The following SMARCA4 variants were observed in gnomAD, a reference collection of about 807,000 sequenced individuals.
SMARCA4 encodes the protein SWI/SNF-related matrix-associated actin-dependent regulator of chromatin subfamily A member 4.
A neutral mutation model predicts 193.9 loss-of-function variants in SMARCA4; 31 were observed. That is an observed-to-expected ratio of 0.16 (90% confidence interval 0.12 to 0.22). SMARCA4 has a LOEUF of 0.22. SMARCA4 is among the 10% of genes least tolerant of loss of function. The pLI is 1.00. For missense variants in SMARCA4, 1,148 were observed against 2,296.0 expected (o/e 0.50, Z 10.22); for synonymous variants, 942 against 933.1 (o/e 1.01, Z -0.17).
chr19:11,000,678 A>G (rs1396847712), intron 11 of SMARCA4, among the ~76,000 whole-genome samples: 2 of 152,054 alleles, frequency 1.3e-5, no homozygotes, highest in Non-Finnish European at 2.9e-5. Context: ...CAGGAGTTCG[A>G]GACCAGTCTG....
At chr19:10,983,024 T>G (rs1369507902) in intron 1 of SMARCA4, among the ~76,000 whole-genome samples, 1 of 152,158 alleles carries the variant, frequency 6.6e-6, no homozygotes, top group Admixed American at 6.6e-5. Flanking sequence ...TTTTAGAATT[T>G]GTGTTTTAAA....
chr19:11,059,209 A>G (rs983737589), intron 32 of SMARCA4: 3 of 347,536 alleles, frequency 8.6e-6, no homozygotes, highest in African/African-American at 6.3e-5. Context: ...TAGGCACAAC[A>G]GAAGAAATAG....
chr19:11,023,706 G>A, intron 20 of SMARCA4, 75 bp downstream of exon 20: 1 of 905,610 alleles, frequency 1.1e-6, no homozygotes, highest in Non-Finnish European at 1.8e-6. Flanking sequence ...GGCGTGCTCA[G>A]GGCCTCTCCC....
intron 1 of SMARCA4, among the ~76,000 whole-genome samples, chr19:10,980,506 C>T (rs902324455): frequency 5.3e-5 from 8 of 152,074 alleles, no homozygotes; most frequent in East Asian, 1.9e-4. Context: ...AGGTGGCATA[C>T]GCCTGTAGTC....
intron 11 of SMARCA4, among the ~76,000 whole-genome samples, chr19:10,997,500 A>G (rs866172884): frequency 3.3e-5 from 5 of 152,046 alleles, no homozygotes; most frequent in Admixed American, 1.3e-4. Flanking sequence ...CAGTTTTTGT[A>G]TTTTTAGTAG....
At chr19:10,980,745 C>T (rs2085495110) in intron 1 of SMARCA4, 1 of 152,122 alleles carries the variant, frequency 6.6e-6, no homozygotes, top group South Asian at 2.1e-4. Flanking sequence ...CCTCAATGAC[C>T]TGGATCTTTT....
intron 29 of SMARCA4, chr19:11,039,835 C>A (rs2016854999): frequency 8.9e-6 from 2 of 224,454 alleles, no homozygotes; most frequent in Admixed American, 5.8e-5. Flanking sequence ...GTAATCCCAG[C>A]ACTTTGAGAG....
rs77708451 is a variant in SMARCA4 at position 10,991,466 on chromosome 19, T to C, written c.1419+143T>C. 49,815 of 1,339,978 alleles carry C rather than the reference T, an allele frequency of 0.037. 1,180 individuals carry two copies. The highest frequency in any genetic ancestry group is 0.051 in the African/African-American group (3,522 of 69,032). 83.0% of individuals were successfully genotyped at this position (1,339,978 alleles called of 1,614,324 possible). A position where few individuals can be genotyped will look rare whatever the true frequency, so the allele number is the denominator to read the frequency against. ...TTGCTCATTGTAACAGTATTCTAGG[T>C]ACTGAGAGTGTATTGGTGTAAAAAC... is the stretch of plus-strand genomic sequence containing the variant. On this transcript the variant is annotated intron_variant, in intron 8 of 34. Transcript: ENST00000344626.
chr19:10,967,164 A>G (rs1040877753), intron 1 of SMARCA4, among the ~76,000 whole-genome samples: 64 of 151,722 alleles, frequency 4.2e-4, no homozygotes, highest in Admixed American at 1.7e-3. Context: ...TGTGGCCTCA[A>G]CTCTTCTTCA....
chr19:10,962,549 G>A (rs2083893095), intron 1 of SMARCA4, among the ~76,000 whole-genome samples: 1 of 152,110 alleles, frequency 6.6e-6, no homozygotes, highest in South Asian at 2.1e-4. Flanking sequence ...GTGTAGGATT[G>A]TATTTTGTTT....
rs757896781 is a variant in SMARCA4 at position 10,987,819 on chromosome 19, A to G, written c.1013A>G (p.Gln338Arg). The G allele has an allele frequency of 1.0e-5, 16 of 1,606,214 alleles. No homozygotes were observed. Among genetic ancestry groups the G allele is most frequent in the Non-Finnish European group, 5.1e-6 (6 of 1,177,212 alleles). The part of the protein sequence containing the change: ...PQTQSPGQPA[Q>R]PAPMVPLHQK... ...ACCCAGTCCCCCGGGCAGCCGGCCC[A>G]GCCCGCGCCCATGGTGCCACTGCAC... The change falls in exon 6 of 35, where the codon CAG becomes CGG. Residue 338 changes from glutamine (Q) to arginine (R), a missense_variant. Physicochemically the swap from Gln to Arg is conservative, Grantham distance 43 (BLOSUM62 1). Transcript: ENST00000344626. This position sits in a 1 kb window ranked among gnomAD's most constrained non-coding sequence, Gnocchi z 5.3.
rs2076699718 is a variant in SMARCA4 at position 11,058,920 on chromosome 19, C to A, written c.4635+31C>A. The A allele has an allele frequency of 6.5e-7, 1 of 1,548,292 alleles. No homozygotes were observed. Among genetic ancestry groups the A allele is most frequent in the Non-Finnish European group, 8.9e-7 (1 of 1,121,014 alleles). ...GGCACCGCTGGGGGTTGGGGATGGG[C>A]CACTCCCACAGCTGGGCTTTGACCC... On this transcript the variant is annotated intron_variant, in intron 32 of 34. Transcript: ENST00000344626. This position sits in a 1 kb window ranked among gnomAD's most constrained non-coding sequence, Gnocchi z 5.8.
At chr19:11,057,727 C>G (rs1445212857) in intron 30 of SMARCA4, among the ~76,000 whole-genome samples, 1 of 150,070 alleles carries the variant, frequency 6.7e-6, no homozygotes, top group African/African-American at 2.5e-5. Context: ...GACTCTGTCT[C>G]AAAAAAAACA....
rs879075470 is a variant in SMARCA4, at chr19:10,985,207, C to T, written c.223-66C>T. ...GTGCCCTCGAGCTTCTCTCGGGCAGCGCATAGCTGCGCTGCCACCTCACGT... is the reference window on the plus strand; with the variant it reads ...GTGCCCTCGAGCTTCTCTCGGGCAGTGCATAGCTGCGCTGCCACCTCACGT... On this transcript the variant is annotated intron_variant, in intron 2 of 34. Coordinates refer to ENST00000344626, the MANE Select transcript of SMARCA4 (RefSeq NM_003072.5). The surrounding 1 kb of genome is among the most constrained non-coding windows in gnomAD (Gnocchi z 4.5). The T allele has an allele frequency of 2.3e-5, 37 of 1,575,956 alleles. No individual in the cohort carries two copies. The Admixed American group carries it at 3.8e-4, about 16-fold the overall frequency.
intron 34 of SMARCA4, among the ~76,000 whole-genome samples, chr19:11,061,202 AAAATAT>A (rs1199245983): frequency 0.12 from 7,276 of 59,310 alleles, 283 homozygotes; most frequent in Non-Finnish European, 0.14. Context: ...AAAAAAAAAA[AAAATAT>A]ATATATATAT....
At chr19:11,061,752 A>G (rs1360939282) in intron 34 of SMARCA4, 32 bp from the exon 35 acceptor site, 10 of 1,611,340 alleles carry the variant, frequency 6.2e-6, no homozygotes, top group Non-Finnish European at 7.6e-6. Context: ...GGGGTGGCCA[A>G]CGCACACTCT....
At chr19:11,024,272 G>A (rs184862438) in intron 20 of SMARCA4, 59 bp from the exon 21 acceptor site, 2 of 1,178,676 alleles carry the variant, frequency 1.7e-6, no homozygotes, top group African/African-American at 1.5e-5. Context: ...GGGTTCGGAT[G>A]GGGGGAGTCA....
intron 1 of SMARCA4, among the ~76,000 whole-genome samples, chr19:10,971,127 C>G (rs2084636202): frequency 6.6e-6 from 1 of 152,024 alleles, no homozygotes; most frequent in Admixed American, 6.6e-5. Context: ...ACCCAGGAGG[C>G]AGAGGTTGCA....
At chr19:10,977,146 G>A (rs1432966254) in intron 1 of SMARCA4, among the ~76,000 whole-genome samples, 1 of 152,178 alleles carries the variant, frequency 6.6e-6, no homozygotes, top group Non-Finnish European at 1.5e-5. Context: ...GCGTGTCATG[G>A]CTGACAGCAG....
Sources: gnomAD v4.1 joint callset for allele counts (sites outside exome capture counted in the v4.1 genomes callset) on GRCh38, gnomAD v4.1.1 for gene constraint, Gnocchi (gnomAD v3.1) non-coding constraint, MANE v1.5 for transcripts, NCBI Gene and HGNC (gene_info 2026-07-23, HGNC 2026-07-21) for gene names.